COL11A1: variants seen among roughly 807,000 people sequenced by gnomAD.
The protein encoded by COL11A1 is collagen type XI alpha 1 chain.
In COL11A1, 74 loss-of-function variants were observed where a neutral mutation model predicts 265.2. That is an observed-to-expected ratio of 0.28 (90% CI 0.23 to 0.34). The LOEUF (loss-of-function observed/expected upper bound fraction) is 0.34, where lower values mean the gene tolerates loss of function less well. COL11A1 is among the 10% of genes least tolerant of loss of function. The pLI is 1.00. For synonymous variants in COL11A1, 816 were observed against 727.6 expected (o/e 1.12, Z -1.96); for missense variants, 2,165 against 2,263.6 (o/e 0.96, Z 0.88).
chr1:102,956,993 C>T (rs1331058780), intron 41 of COL11A1, among the ~76,000 whole-genome samples: 1 of 151,684 alleles, frequency 6.6e-6, no homozygotes, highest in East Asian at 1.9e-4. Context: ...CAAGAGATTT[C>T]TTCCAAGGAT....
At chr1:102,938,382 A>G (rs963023137) in intron 44 of COL11A1, among the ~76,000 whole-genome samples, 1 of 29,304 alleles carries the variant, frequency 3.4e-5, no homozygotes, top group East Asian at 0.012. Flanking sequence ...ACTTAAAGGG[A>G]AAAAAAAATT....
At chr1:103,007,121 C>T (rs1444740809) in intron 15 of COL11A1, among the ~76,000 whole-genome samples, 2 of 152,058 alleles carry the variant, frequency 1.3e-5, no homozygotes, top group South Asian at 2.1e-4. Context: ...AAGTCTTTAA[C>T]CTATTTTTCC....
intron 1 of COL11A1, chr1:103,100,707 A>G (rs912685017): frequency 6.6e-6 from 1 of 152,000 alleles, no homozygotes; most frequent in Admixed American, 6.6e-5. Context: ...AGGAGGCTGT[A>G]TAGAAGCATT....
intron 20 of COL11A1, 97 bp from the exon 21 acceptor site, chr1:103,003,365 T>G: frequency 7.7e-7 from 1 of 1,293,650 alleles, no homozygotes. Context: ...ATTTTTAGAA[T>G]AAAAATATTT....
chr1:102,879,544 T>C, intron 66 of COL11A1, 139 bp downstream of exon 66: 1 of 750,758 alleles, frequency 1.3e-6, no homozygotes, highest in Admixed American at 2.0e-5. Context: ...TACCATAGTT[T>C]AACATGTCAA....
intron 53 of COL11A1, among the ~76,000 whole-genome samples, chr1:102,912,735 A>T (rs1654836666): frequency 6.6e-6 from 1 of 152,088 alleles, no homozygotes; most frequent in Non-Finnish European, 1.5e-5. Flanking sequence ...GTGGGAGGTA[A>T]TTGAGTGATG....
chr1:102,890,034 T>A (rs1651551236), intron 58 of COL11A1, among the ~76,000 whole-genome samples: 1 of 152,168 alleles, frequency 6.6e-6, no homozygotes, highest in Non-Finnish European at 1.5e-5. Context: ...AAAAGGCTAA[T>A]TTCTCTAAGT....
rs753445568 is a variant in COL11A1 at position 102,915,691 on chromosome 1, A to G, written c.3763-7T>C. 7 of 1,603,304 alleles carry G rather than the reference A, an allele frequency of 4.4e-6. No individual in the cohort carries two copies. The highest frequency in any genetic ancestry group is 5.1e-6 in the Non-Finnish European group (6 of 1,170,462). On this transcript the variant is annotated splice_region_variant and splice_polypyrimidine_tract_variant and intron_variant, in intron 49 of 66. Transcript: ENST00000370096. ...CTGCTTCTCCAGGTTCACCCTATAT[A>G]GAGAAGATCAAATTAGTATTAGAAT...
chr1:103,077,140 T>G (rs1172475219), intron 3 of COL11A1, among the ~76,000 whole-genome samples: 1 of 152,116 alleles, frequency 6.6e-6, no homozygotes, highest in Non-Finnish European at 1.5e-5. Context: ...ATCAAGATAA[T>G]ATTTTACTAC....
intron 57 of COL11A1, among the ~76,000 whole-genome samples, chr1:102,895,742 A>C (rs1000256989): frequency 6.0e-5 from 9 of 150,980 alleles, no homozygotes; most frequent in Non-Finnish European, 1.5e-5. Context: ...ATTTCTAAAC[A>C]GGGAAGGGTC....
At chr1:103,021,094 T>G (rs1302176110) in intron 9 of COL11A1, among the ~76,000 whole-genome samples, 2 of 150,698 alleles carry the variant, frequency 1.3e-5, no homozygotes, top group African/African-American at 4.8e-5. Flanking sequence ...TCTAATACAT[T>G]AGTTTTTCTG....
Position 103,108,395 on chromosome 1 carries a change from G to A in COL11A1, c.-217C>T, listed in dbSNP as rs1235919917. The A allele has an allele frequency of 3.2e-6, 2 of 615,766 alleles. No individual in the cohort carries two copies. Among genetic ancestry groups the A allele is most frequent in the South Asian group, 1.9e-5 (1 of 52,318 alleles). The allele number at this position is 615,766 out of a possible 1,614,324, so 38.1% of individuals were successfully genotyped here. ...TCCCTCTGAGTTGGCCCCACCGGCC[G>A]GGACCCTCCGGCCGCGACCCTCTGA... On this transcript the variant is annotated 5_prime_UTR_variant, in exon 1 of 67. Transcript: ENST00000370096.
In COL11A1 at chr1:102,914,812, C is replaced by A. The variant is rs1357938366; in HGVS notation, c.3817-1G>T. On this transcript the variant is annotated splice_acceptor_variant, in intron 50 of 66. Coordinates refer to ENST00000370096, the MANE Select transcript of COL11A1 (RefSeq NM_001854.4). LOFTEE classifies it high-confidence loss of function. Reference sequence around the variant, plus strand: ...TCTCTCCTCTTTCTCCTTTGGGACCCTAAACAATGTTAAAAAAAAAAAAAG... The same window carrying A: ...TCTCTCCTCTTTCTCCTTTGGGACCATAAACAATGTTAAAAAAAAAAAAAG... The A allele has an allele frequency of 1.3e-6, 2 of 1,550,058 alleles. No individual in the cohort carries two copies. Among genetic ancestry groups the A allele is most frequent in the African/African-American group, 1.5e-5 (1 of 67,930 alleles).
chr1:103,068,146 A>G (rs1431815706), intron 4 of COL11A1, among the ~76,000 whole-genome samples: 1 of 151,740 alleles, frequency 6.6e-6, no homozygotes, highest in East Asian at 1.9e-4. Context: ...AAATACAGAG[A>G]TTCATAGACT....
Position 102,915,619 on chromosome 1 carries a change from C to T in COL11A1, c.3816+12G>A. ...CAATAATACACTATGTTAACAATAA[C>T]ACAGTACTTACGCCTACACCTGCTT... is the stretch of plus-strand genomic sequence containing the variant. On this transcript the variant is annotated intron_variant, in intron 50 of 66. Transcript: ENST00000370096. 1 of 1,610,544 alleles carries T rather than the reference C, an allele frequency of 6.2e-7. No homozygotes were observed.
Position 102,879,700 on chromosome 1 carries a change from G to A in COL11A1, c.5257C>T (p.Leu1753=). 2 of 1,613,516 alleles carry A rather than the reference G, an allele frequency of 1.2e-6. No individual in the cohort carries two copies. The highest frequency in any genetic ancestry group is 1.7e-6 in the Non-Finnish European group (2 of 1,179,588). Residue 1753 remains leucine (L), a synonymous_variant, in exon 66 of 67, where the codon CTG becomes TTG. Coordinates refer to ENST00000370096, the MANE Select transcript of COL11A1 (RefSeq NM_001854.4). ...ATACTCACCGCACAACCATCATACA[G>A]TGTTTTGATAAAAGGATTATTGTCA... ...SYDNNPFIKT[L]YDGCASRKGY... is the part of the protein sequence containing the mutation.
intron 47 of COL11A1, among the ~76,000 whole-genome samples, chr1:102,922,328 A>G (rs1656076714): frequency 1.3e-5 from 2 of 152,298 alleles, no homozygotes; most frequent in East Asian, 1.9e-4. Flanking sequence ...AACGATGGTA[A>G]CCATATCTGG....
intron 54 of COL11A1, among the ~76,000 whole-genome samples, chr1:102,907,560 T>C (rs1654137713): frequency 6.6e-6 from 1 of 152,036 alleles, no homozygotes; most frequent in Non-Finnish European, 1.5e-5. Context: ...CTTATGTTTC[T>C]TTATCATGTT....
At chr1:103,055,138 A>G (rs1670141423) in intron 4 of COL11A1, among the ~76,000 whole-genome samples, 1 of 152,216 alleles carries the variant, frequency 6.6e-6, no homozygotes, top group Admixed American at 6.5e-5. Flanking sequence ...CTGACTCCAG[A>G]GTCAACATTG....
Sources: gnomAD v4.1 joint callset for allele counts (sites outside exome capture counted in the v4.1 genomes callset) on GRCh38, gnomAD v4.1.1 for gene constraint, MANE v1.5 for transcripts, NCBI Gene and HGNC (gene_info 2026-07-23, HGNC 2026-07-21) for gene names.